Variants in NCOA6 observed in about 807,000 individuals in gnomAD.
NCOA6 encodes the protein NRC RAP250.
Under a neutral mutation model 171.4 loss-of-function variants are expected in NCOA6, and 49 were observed. The ratio of observed to expected loss-of-function variants is 0.29; its 90% CI spans 0.23 to 0.36. The LOEUF is 0.36. Among genes scored for constraint, NCOA6 ranks in the 10% least tolerant of loss-of-function variants. The pLI, the probability that NCOA6 is intolerant of heterozygous loss-of-function variation, is 1.00. For synonymous variants in NCOA6, 910 were observed against 927.5 expected, an observed-to-expected ratio of 0.98 and a Z score of 0.34; for missense variants, 2,248 against 2,554.5, an observed-to-expected ratio of 0.88 and a Z score of 2.59.
At chr20:34,778,056 C>CCAAAAATT (rs2077391547) in intron 3 of NCOA6, among the ~76,000 whole-genome samples, 1 of 152,020 alleles carries the variant, frequency 6.6e-6, no homozygotes, top group African/African-American at 2.4e-5. Flanking sequence ...AGGTGCATGC[C>CCAAAAATT]ACCACGCCCA....
In NCOA6 at chr20:34,740,350, C is replaced by A; in HGVS notation, c.5893+13G>T. ...AACTGACACAAAGAGATGATGAAGC[C>A]CCAAGTACATACCTATGCTGGGTAG... On this transcript the variant is annotated intron_variant, in intron 11 of 14. Coordinates refer to ENST00000359003, the MANE Select transcript of NCOA6 (RefSeq NM_014071.5). The A allele has an allele frequency of 6.2e-7, 1 of 1,606,874 alleles. No homozygotes were observed. The highest frequency in any genetic ancestry group is 1.1e-5 in the South Asian group (1 of 90,180).
chr20:34,824,313 T>C (rs771084593), intron 1 of NCOA6, among the ~76,000 whole-genome samples: 7 of 152,240 alleles, frequency 4.6e-5, no homozygotes, highest in Non-Finnish European at 1.0e-4. Context: ...CAATTTCTAG[T>C]ACCCCTCTGC....
Position 34,743,061 on chromosome 20 carries a change from G to T in NCOA6, c.3195C>A (p.Ser1065=). The stretch of plus-strand genomic sequence containing the variant: ...CACTCTGTTGCATGGGCATTCTCTG[G>T]GAGTCGGGGTTCAGGGGGCCCCTTG... ...HPPRGPLNPD[S]QRMPMQQSGS... Residue 1065 remains serine, a synonymous_variant, in exon 11 of 15, where the codon TCC becomes TCA. Coordinates refer to ENST00000359003, the MANE Select transcript of NCOA6 (RefSeq NM_014071.5). 1 of 1,613,810 alleles carries T rather than the reference G, an allele frequency of 6.2e-7. No homozygotes were observed.
chr20:34,774,091 C>T (rs2077236051), intron 4 of NCOA6, among the ~76,000 whole-genome samples: 1 of 152,110 alleles, frequency 6.6e-6, no homozygotes, highest in African/African-American at 2.4e-5. Context: ...AAGGGAGAAC[C>T]AGCATTATAT....
intron 7 of NCOA6, among the ~76,000 whole-genome samples, chr20:34,756,323 C>CT (rs1314746514): frequency 2.0e-5 from 3 of 152,194 alleles, no homozygotes; most frequent in Non-Finnish European, 4.4e-5. Flanking sequence ...GAGTAAAAGG[C>CT]TGATGAGCAA....
At chr20:34,811,201 G>GTATGTATATATATATATATATATATA (rs1244311939) in intron 1 of NCOA6, among the ~76,000 whole-genome samples, 4 of 53,840 alleles carry the variant, frequency 7.4e-5, no homozygotes, top group East Asian at 5.4e-4. Flanking sequence ...ACAACAACGT[G>GTATGTATATATATATATATATATATA]TATATATATA....
chr20:34,767,103 A>C (rs1279263931), intron 5 of NCOA6, among the ~76,000 whole-genome samples: 1 of 152,164 alleles, frequency 6.6e-6, no homozygotes, highest in Non-Finnish European at 1.5e-5. Context: ...TGTTTGCTAC[A>C]CTGCTCAGGG....
chr20:34,741,584 A>G lies in NCOA6; in HGVS notation c.4672T>C (p.Ser1558Pro). 6.2e-7 allele frequency: 1 copy of G among 1,614,238 alleles called. No individual in the cohort carries two copies. The highest frequency in any genetic ancestry group is 8.5e-7 in the Non-Finnish European group (1 of 1,180,046). The change falls in exon 11 of 15, where the codon TCC becomes CCC. Residue 1558 changes from serine to proline, a missense_variant. Ser to Pro is a moderately conservative substitution (Grantham distance 74, BLOSUM62 -1). This residue lies in a region of NCOA6 where 884 missense variants were observed against 941.9 expected (regional missense o/e 0.94). Transcript: ENST00000359003. Reference sequence around the variant, plus strand: ...TCACTCAATTCGGGATGCACAAGGGATGAACACAGCTCATTACTGTGAGGT... The same window carrying G: ...TCACTCAATTCGGGATGCACAAGGGGTGAACACAGCTCATTACTGTGAGGT... ...NLPHSNELCS[S>P]LVHPELSEVS...
At chr20:34,824,751 G>T (rs900899790) in intron 1 of NCOA6, among the ~76,000 whole-genome samples, 1 of 152,256 alleles carries the variant, frequency 6.6e-6, no homozygotes, top group East Asian at 1.9e-4. Flanking sequence ...CCCCCAAGAG[G>T]GGGTGGAGGA....
chr20:34,748,630 C>T (rs1025972822), intron 9 of NCOA6, among the ~76,000 whole-genome samples: 2 of 152,200 alleles, frequency 1.3e-5, no homozygotes, highest in Admixed American at 6.5e-5. Context: ...CAAATTAATA[C>T]TTAGCTTCAG....
chr20:34,727,802 C>A (rs549190153), intron 13 of NCOA6, among the ~76,000 whole-genome samples: 229 of 151,094 alleles, frequency 1.5e-3, no homozygotes, highest in Non-Finnish European at 2.5e-3. Flanking sequence ...CAGCTCACTG[C>A]GACCCCTGCC....
At chr20:34,819,368 T>A (rs2078935913) in intron 1 of NCOA6, 1 of 152,206 alleles carries the variant, frequency 6.6e-6, no homozygotes, top group African/African-American at 2.4e-5. Context: ...CTTCCAATTT[T>A]TCAAGGTTAA....
intron 4 of NCOA6, among the ~76,000 whole-genome samples, chr20:34,772,490 T>G (rs1353643605): frequency 6.6e-6 from 1 of 152,208 alleles, no homozygotes; most frequent in African/African-American, 2.4e-5. Context: ...TATGACAAAT[T>G]ACTTCCTGGA....
intron 5 of NCOA6, among the ~76,000 whole-genome samples, chr20:34,762,056 C>A (rs925739259): frequency 6.6e-6 from 1 of 152,172 alleles, no homozygotes; most frequent in Non-Finnish European, 1.5e-5. Flanking sequence ...ATCAATTACT[C>A]ACAGAGGTGT....
chr20:34,759,019 TG>T (rs1244448840), intron 5 of NCOA6, 86 bp from the exon 6 acceptor site: 1 of 1,444,576 alleles, frequency 6.9e-7, no homozygotes, highest in Non-Finnish European at 9.5e-7. Context: ...TGAAAAGATA[TG>T]GAAAATTTGT....
intron 1 of NCOA6, among the ~76,000 whole-genome samples, chr20:34,793,672 T>C (rs1380258929): frequency 1.3e-5 from 2 of 150,948 alleles, no homozygotes; most frequent in African/African-American, 2.4e-5. Context: ...TAAGTTCAAA[T>C]GCAAAAAAAA....
At chr20:34,802,660 T>C (rs2078295116) in intron 1 of NCOA6, among the ~76,000 whole-genome samples, 1 of 152,046 alleles carries the variant, frequency 6.6e-6, no homozygotes, top group African/African-American at 2.4e-5. Context: ...TGATCATATA[T>C]TGGTTACATA....
intron 3 of NCOA6, among the ~76,000 whole-genome samples, chr20:34,781,216 A>G (rs765413006): frequency 6.6e-6 from 1 of 152,232 alleles, no homozygotes; most frequent in Non-Finnish European, 1.5e-5. Context: ...CCGTCCAGAT[A>G]ACAAATCTCA....
rs770825299 is a variant in NCOA6 at position 34,741,963 on chromosome 20, C to T, written c.4293G>A (p.Gln1431=). The T allele has an allele frequency of 1.2e-6, 2 of 1,614,206 alleles. No individual in the cohort carries two copies. Among genetic ancestry groups the T allele is most frequent in the Non-Finnish European group, 1.7e-6 (2 of 1,180,034 alleles). Residue 1431 remains glutamine, a synonymous_variant, in exon 11 of 15, where the codon CAG becomes CAA. Transcript: ENST00000359003. Reference sequence around the variant, plus strand: ...CAATGTTTACCTGTTCCTTCCTACTCTGGGAATTCTGGCAATCACTGTCCT... The same window carrying T: ...CAATGTTTACCTGTTCCTTCCTACTTTGGGAATTCTGGCAATCACTGTCCT... The part of the protein sequence containing the change: ...VPQDSDCQNS[Q]SRKEQVNIEL...
Sources: allele counts gnomAD v4.1 joint callset (sites outside exome capture counted in the v4.1 genomes callset), GRCh38; gene constraint gnomAD v4.1.1; regional missense constraint gnomAD v4.1.1; transcripts MANE v1.5; gene names NCBI Gene and HGNC (gene_info 2026-07-23, HGNC 2026-07-21).